Variants in CCDC148 observed in about 807,000 individuals in gnomAD.
CCDC148 encodes coiled-coil domain-containing protein 148.
In CCDC148, 89 loss-of-function variants were observed where a neutral mutation model predicts 85.7. That is an observed-to-expected ratio of 1.04 (90% confidence interval 0.87 to 1.24). CCDC148 has a LOEUF of 1.24. Among genes scored for constraint, CCDC148 ranks in the 50% most tolerant of loss-of-function variants. CCDC148 has a pLI of 0.00. For missense variants in CCDC148, 692 were observed against 671.7 expected (o/e 1.03, Z -0.33); for synonymous variants, 230 against 213.9 (o/e 1.08, Z -0.66).
chr2:158,401,182 C>T (rs1240178916), intron 1 of CCDC148, among the ~76,000 whole-genome samples: 1 of 152,068 alleles, frequency 6.6e-6, no homozygotes, highest in Non-Finnish European at 1.5e-5. Flanking sequence ...ACCATTTGAC[C>T]CAGCAATCCC....
At chr2:158,177,684 C>T (rs1157491557) in intron 12 of CCDC148, among the ~76,000 whole-genome samples, 2 of 152,120 alleles carry the variant, frequency 1.3e-5, no homozygotes, top group African/African-American at 4.8e-5. Context: ...TTGTAGGATC[C>T]AGGATTACCA....
intron 1 of CCDC148, among the ~76,000 whole-genome samples, chr2:158,375,487 A>C (rs1186876432): frequency 6.6e-6 from 1 of 152,130 alleles, no homozygotes; most frequent in Non-Finnish European, 1.5e-5. Flanking sequence ...TATAGAGTTC[A>C]ACAATTAAAT....
chr2:158,349,242 G>A (rs1369426404), intron 2 of CCDC148, among the ~76,000 whole-genome samples: 1 of 151,818 alleles, frequency 6.6e-6, no homozygotes, highest in Non-Finnish European at 1.5e-5. Flanking sequence ...ATTTAAATAT[G>A]TTTATATTTA....
At position 158,284,975 on chromosome 2, in the gene CCDC148, T is replaced by C. The variant is rs555883817; in HGVS notation, c.1110+24458A>G. Among the ~76,000 whole-genome samples the C allele has an allele frequency of 4.3e-4, 65 of 152,268 alleles. 1 individual carries two copies. The highest frequency in any genetic ancestry group is 1.5e-3 in the African/African-American group (61 of 41,550). On this transcript the variant is annotated intron_variant, in intron 9 of 13. Transcript: ENST00000283233. ...AATAAGCAAATATCAATTCCAAAAC[T>C]GATAACTGATATTAAGAATTCAGTG... is the stretch of plus-strand genomic sequence containing the variant.
chr2:158,228,922 C>G, intron 10 of CCDC148, among the ~76,000 whole-genome samples: 1 of 148,714 alleles, frequency 6.7e-6, no homozygotes, highest in Admixed American at 6.7e-5. Flanking sequence ...AACTAACCTG[C>G]ACGTTGTGCA....
chr2:158,392,758 C>T (rs4141902), intron 1 of CCDC148, among the ~76,000 whole-genome samples: 98,879 of 151,932 alleles, frequency 0.65, 32,757 homozygotes, highest in East Asian at 0.79. Flanking sequence ...AATAGTGAAA[C>T]ACAGATATAA....
chr2:158,187,626 G>A (rs1685216697), intron 11 of CCDC148, among the ~76,000 whole-genome samples: 2 of 152,072 alleles, frequency 1.3e-5, no homozygotes, highest in South Asian at 2.1e-4. Context: ...AATGTGACCT[G>A]TCTGCAATGC....
At chr2:158,206,140 T>A (rs1686231459) in intron 11 of CCDC148, among the ~76,000 whole-genome samples, 1 of 152,206 alleles carries the variant, frequency 6.6e-6, no homozygotes, top group Non-Finnish European at 1.5e-5. Flanking sequence ...TGTATTTTTT[T>A]AACCTCTGTT....
At chr2:158,307,266 C>T (rs1277021823) in intron 9 of CCDC148, among the ~76,000 whole-genome samples, 3 of 151,976 alleles carry the variant, frequency 2.0e-5, no homozygotes, top group African/African-American at 7.2e-5. Context: ...AGGCAAAAGA[C>T]TTGAGTGGGC....
chr2:158,412,021 A>G (rs1686282592), intron 1 of CCDC148, among the ~76,000 whole-genome samples: 1 of 152,086 alleles, frequency 6.6e-6, no homozygotes. Context: ...GGGGTGATGC[A>G]GTGGTGTGGG....
chr2:158,282,157 C>A (rs1047313008), intron 9 of CCDC148, among the ~76,000 whole-genome samples: 1 of 151,682 alleles, frequency 6.6e-6, no homozygotes, highest in Non-Finnish European at 1.5e-5. Flanking sequence ...TATGACAAAC[C>A]CACAGTCAAT....
At chr2:158,410,987 AT>A (rs148428028) in intron 1 of CCDC148, among the ~76,000 whole-genome samples, 7,002 of 151,934 alleles carry the variant, frequency 0.046, 245 homozygotes, top group Non-Finnish European at 0.062. Flanking sequence ...TTGGTTTGCA[AT>A]TTTTTTTCTT....
At chr2:158,336,328 G>T (rs1297846044) in intron 7 of CCDC148, among the ~76,000 whole-genome samples, 2 of 152,228 alleles carry the variant, frequency 1.3e-5, no homozygotes, top group East Asian at 3.9e-4. Context: ...TCTTCTCAAA[G>T]ACACAACTCC....
rs763985784 is a variant in CCDC148 at position 158,178,902 on chromosome 2, G to A, written c.1465C>T (p.Arg489Trp). The A allele has an allele frequency of 3.5e-5, 57 of 1,612,984 alleles. No homozygotes were observed. Among genetic ancestry groups the A allele is most frequent in the Admixed American group, 1.3e-4 (8 of 59,930 alleles). Residue 489 changes from arginine (R) to tryptophan (W), a missense_variant, in exon 12 of 14, where the codon CGG becomes TGG. Transcript: ENST00000283233. ...ACCTGTTTCCTAAGGGCTTCTAGCC[G>A]CCGTGCTCTCTCTTTGTCTTCATGA... Reference protein sequence around the residue: ...EAHEDKERARRLEALRKQVAV... With the variant: ...EAHEDKERARWLEALRKQVAV...
At chr2:158,180,729 G>A (rs572230674) in intron 11 of CCDC148, among the ~76,000 whole-genome samples, 2 of 152,196 alleles carry the variant, frequency 1.3e-5, no homozygotes, top group African/African-American at 4.8e-5. Context: ...TGCTCCTGGG[G>A]AGGAATACCC....
chr2:158,414,572 A>G (rs976995137), intron 1 of CCDC148, among the ~76,000 whole-genome samples: 1 of 64,832 alleles, frequency 1.5e-5, no homozygotes, highest in Non-Finnish European at 4.9e-5. Flanking sequence ...CCTAAAACTT[A>G]AAAGTATAAA....
chr2:158,371,672 A>G (rs1684447036), intron 1 of CCDC148, among the ~76,000 whole-genome samples: 1 of 102,154 alleles, frequency 9.8e-6, no homozygotes, highest in Non-Finnish European at 1.7e-5. Context: ...GTTCATATAC[A>G]TATATATATA....
chr2:158,281,036 A>T (rs1431106146), intron 9 of CCDC148, among the ~76,000 whole-genome samples: 1 of 152,246 alleles, frequency 6.6e-6, no homozygotes, highest in Non-Finnish European at 1.5e-5. Context: ...TACTGGGTAC[A>T]TAACGAAATG....
intron 9 of CCDC148, among the ~76,000 whole-genome samples, chr2:158,264,898 A>C (rs980895652): frequency 6.6e-6 from 1 of 152,130 alleles, no homozygotes; most frequent in African/African-American, 2.4e-5. Context: ...AATAACGTGC[A>C]TTATTCTGAA....
Sources: gnomAD v4.1 joint callset for allele counts (sites outside exome capture counted in the v4.1 genomes callset) on GRCh38, gnomAD v4.1.1 for gene constraint, MANE v1.5 for transcripts, NCBI Gene and HGNC (gene_info 2026-07-23, HGNC 2026-07-21) for gene names.